The following PIN4 variants were observed in gnomAD, a reference collection of about 807,000 sequenced individuals.
PIN4 encodes the protein peptidyl-prolyl cis-trans isomerase NIMA-interacting 4.
In PIN4, 3 loss-of-function variants were observed where a neutral mutation model predicts 8.3. The observed-to-expected ratio is 0.36, with a 90% CI of 0.16 to 0.93. PIN4 has a LOEUF of 0.93. Among genes scored for constraint, PIN4 ranks in the 40% least tolerant of loss-of-function variants. The pLI, the probability that PIN4 is intolerant of heterozygous loss-of-function variation, is 0.44. For synonymous variants in PIN4, 18 were observed against 32.5 expected (o/e 0.55, Z 1.52); for missense variants, 75 against 100.6 (o/e 0.75, Z 1.09).
chrX:72,227,066 G>A (rs2042957948), intron 3 of PIN4, among the ~76,000 whole-genome samples: 1 of 111,864 alleles, frequency 8.9e-6, no homozygotes, highest in African/African-American at 3.3e-5. Context: ...CACCTTCCAG[G>A]ACAGGACTGG....
At chrX:72,263,101 A>G (rs1205384695) in exon 4 of PIN4, 2 of 194,753 alleles carry the variant, frequency 1.0e-5, no homozygotes, top group Non-Finnish European at 1.9e-5. Flanking sequence ...GGTGAACAAG[A>G]TGAGCCTTAT....
chrX:72,250,535 T>C (rs1470304181), intron 3 of PIN4, among the ~76,000 whole-genome samples: 1 of 110,509 alleles, frequency 9.0e-6, no homozygotes, highest in African/African-American at 3.3e-5. Context: ...AGGATATTTT[T>C]CCCAATCTTT....
intron 3 of PIN4, among the ~76,000 whole-genome samples, chrX:72,222,488 A>G (rs1031897657): frequency 9.0e-6 from 1 of 111,376 alleles, no homozygotes; most frequent in Non-Finnish European, 1.9e-5. Context: ...CAGGCGACAG[A>G]ACCACATGAT....
intron 3 of PIN4, among the ~76,000 whole-genome samples, chrX:72,253,471 C>T (rs779326735): frequency 9.1e-6 from 1 of 110,150 alleles, no homozygotes; most frequent in Non-Finnish European, 1.9e-5. Context: ...ACTAAAAATA[C>T]AAAAATTAGC....
intron 3 of PIN4, among the ~76,000 whole-genome samples, chrX:72,234,842 T>C (rs1010297220): frequency 3.6e-5 from 4 of 111,077 alleles, no homozygotes; most frequent in Non-Finnish European, 5.7e-5. Flanking sequence ...GCAAGAGAGA[T>C]GAGGGTGAGA....
downstream of PIN4, among the ~76,000 whole-genome samples, chrX:72,202,561 C>A (rs1192966732): frequency 8.9e-6 from 1 of 111,786 alleles, no homozygotes; most frequent in Non-Finnish European, 1.9e-5. Flanking sequence ...GTGTAGGGCG[C>A]AGCTACTCCC....
intron 3 of PIN4, chrX:72,205,142 C>T: frequency 8.3e-7 from 1 of 1,211,328 alleles, no homozygotes; most frequent in Non-Finnish European, 1.1e-6. Flanking sequence ...TCTTTTAGTT[C>T]TTTTCCACGC....
intron 3 of PIN4, among the ~76,000 whole-genome samples, chrX:72,245,012 G>A (rs2043062164): frequency 1.1e-5 from 1 of 87,988 alleles, no homozygotes; most frequent in Non-Finnish European, 2.1e-5. Flanking sequence ...GTTCGAGGCT[G>A]CAGTAAGCAG....
intron 2 of PIN4, among the ~76,000 whole-genome samples, chrX:72,191,359 T>G (rs974603525): frequency 2.7e-5 from 3 of 110,532 alleles, no homozygotes; most frequent in Admixed American, 9.7e-5. Context: ...GAGACCAGCC[T>G]GGCCAACATG....
At chrX:72,204,856 A>T (rs1449261731) in intron 3 of PIN4, 5 of 383,423 alleles carry the variant, frequency 1.3e-5, no homozygotes, top group African/African-American at 2.6e-5. Context: ...TCAGAATACC[A>T]GACTATGGAG....
chrX:72,224,596 A>G (rs1472125073), intron 3 of PIN4, among the ~76,000 whole-genome samples: 1 of 111,168 alleles, frequency 9.0e-6, no homozygotes, highest in Admixed American at 9.6e-5. Context: ...AAAATGCAAA[A>G]TTAACTGGGC....
chrX:72,220,410 T>C (rs967252578), intron 3 of PIN4, among the ~76,000 whole-genome samples: 3 of 111,779 alleles, frequency 2.7e-5, no homozygotes, highest in Non-Finnish European at 3.8e-5. Flanking sequence ...ATCGGCATCT[T>C]GGACAAGCCC....
intron 3 of PIN4, among the ~76,000 whole-genome samples, chrX:72,248,310 A>G (rs1602459898): frequency 2.6e-5 from 1 of 37,971 alleles, no homozygotes; most frequent in African/African-American, 4.1e-4. Flanking sequence ...AAAAAAAAAA[A>G]AAAAAAAAAA....
intron 2 of PIN4, among the ~76,000 whole-genome samples, chrX:72,190,822 G>A (rs373037262): frequency 1.0e-4 from 11 of 108,666 alleles, no homozygotes; most frequent in African/African-American, 3.4e-4. Flanking sequence ...GTGTGGTGGC[G>A]GGTGCCTATA....
At chrX:72,203,802 A>G (rs1257065364) in intron 3 of PIN4, among the ~76,000 whole-genome samples, 1 of 111,878 alleles carries the variant, frequency 8.9e-6, no homozygotes, top group Admixed American at 9.5e-5. Context: ...CTGAAATGAG[A>G]AACCTGTGTG....
At position 72,197,626 on chromosome X, in the gene PIN4, A is replaced by T. The variant is rs778253319; in HGVS notation, c.*100A>T. Reference sequence around the variant, plus strand: ...GCTGCAAGGAAATACAAAAATTTTTAAAAAGAAAAGATATTGGATGCTCCT... The same window carrying T: ...GCTGCAAGGAAATACAAAAATTTTTTAAAAGAAAAGATATTGGATGCTCCT... On this transcript the variant is annotated 3_prime_UTR_variant, in exon 4 of 4. Transcript: ENST00000373669. 39 of 1,095,022 alleles carry T rather than the reference A, an allele frequency of 3.6e-5. No individual in the cohort carries two copies. In the African/African-American group the frequency reaches 4.3e-4, roughly 12 times the overall value. 90.2% of individuals were successfully genotyped at this position (1,095,022 alleles called of 1,213,427 possible).
At chrX:72,245,183 C>T (rs753489199) in intron 3 of PIN4, among the ~76,000 whole-genome samples, 56 of 106,893 alleles carry the variant, frequency 5.2e-4, no homozygotes, top group Admixed American at 2.0e-4. Context: ...CAGGGTCTCA[C>T]TCTGTTGCCC....
intron 3 of PIN4, among the ~76,000 whole-genome samples, chrX:72,209,099 C>T (rs910966407): frequency 1.8e-5 from 2 of 111,397 alleles, no homozygotes; most frequent in Non-Finnish European, 3.8e-5. Flanking sequence ...GATCACTCCC[C>T]TCCCCTCTTA....
At chrX:72,205,153 T>C (rs1345632872) in intron 3 of PIN4, 2 of 1,211,754 alleles carry the variant, frequency 1.7e-6, no homozygotes, top group Admixed American at 2.2e-5. Context: ...TTTTCCACGC[T>C]TTACAAGAGT....
Sources: gnomAD v4.1 joint callset for allele counts (sites outside exome capture counted in the v4.1 genomes callset) on GRCh38, gnomAD v4.1.1 for gene constraint, MANE v1.5 for transcripts, NCBI Gene and HGNC (gene_info 2026-07-23, HGNC 2026-07-21) for gene names.